Variants in APBB1 observed in about 807,000 individuals in gnomAD.
APBB1 encodes adaptor protein FE65a2.
In APBB1, 22 loss-of-function variants were observed where a neutral mutation model predicts 78.4. The observed-to-expected ratio is 0.28, with a 90% confidence interval of 0.20 to 0.40. APBB1 has a LOEUF of 0.40. Among genes scored for constraint, APBB1 ranks in the 10% least tolerant of loss-of-function variants. The pLI, the probability that APBB1 is intolerant of heterozygous loss-of-function variation, is 1.00. For synonymous variants in APBB1, 369 were observed against 372.7 expected, an observed-to-expected ratio of 0.99 and a Z score of 0.12; for missense variants, 749 against 932.4, an observed-to-expected ratio of 0.80 and a Z score of 2.56.
Position 6,395,756 on chromosome 11 carries a change from C to T in APBB1, c.1965+30G>A. 6.2e-7 allele frequency: 1 copy of T among 1,604,954 alleles called. No individual in the cohort carries two copies. The highest frequency in any genetic ancestry group is 1.4e-5 in the African/African-American group (1 of 72,602). On this transcript the variant is annotated intron_variant, in intron 14 of 14. Transcript: ENST00000609360. This position sits in a 1 kb window ranked among gnomAD's most constrained non-coding sequence, Gnocchi z 5.2. ...CAGCCTACCTCCCATGGGGCCACGC[C>T]ACCACCACACCACCCTACTAGTAGC...
At position 6,411,489 on chromosome 11, in the gene APBB1, C is replaced by G; in HGVS notation, c.-14-128G>C. On this transcript the variant is annotated intron_variant, in intron 1 of 14. Transcript: ENST00000609360. The surrounding 1 kb of genome is among the most constrained non-coding windows in gnomAD (Gnocchi z 5.2). ...ACTAAGCAGGCTAGCACCCATGGCTCTCTATCCTATGAGAATGACTGGGTT... is the reference window on the plus strand; with the variant it reads ...ACTAAGCAGGCTAGCACCCATGGCTGTCTATCCTATGAGAATGACTGGGTT... 1 of 772,914 alleles carries G rather than the reference C, an allele frequency of 1.3e-6. No individual in the cohort carries two copies. 47.9% of individuals were successfully genotyped at this position (772,914 alleles called of 1,614,324 possible).
intron 2 of APBB1, among the ~76,000 whole-genome samples, chr11:6,407,097 A>C (rs1205291544): frequency 2.6e-5 from 4 of 152,236 alleles, no homozygotes; most frequent in African/African-American, 9.7e-5. Context: ...AGGAAGGAGA[A>C]TATAATTTTT....
chr11:6,395,687 C>A lies in APBB1; in HGVS notation c.1980G>T (p.Lys660Asn). The A allele has an allele frequency of 6.3e-7, 1 of 1,588,172 alleles. No individual in the cohort carries two copies. ...VQAACMLRYQ[K>N]CLDARSQAST... ...AGGCCTGGGAACGGGCATCCAGACA[C>A]TTCTGGTAGCGAAGCTGCGGAGGCA... The change falls in exon 15 of 15, where the codon AAG becomes AAT. Residue 660 changes from lysine to asparagine, a missense_variant. By Grantham distance (94) the Lys-to-Asn change is moderately conservative. Transcript: ENST00000609360. The surrounding 1 kb of genome is among the most constrained non-coding windows in gnomAD (Gnocchi z 5.2).
intron 12 of APBB1, among the ~76,000 whole-genome samples, chr11:6,399,494 G>C (rs975657839): frequency 5.3e-5 from 8 of 152,152 alleles, no homozygotes; most frequent in Admixed American, 5.2e-4. Flanking sequence ...CAATCACTGA[G>C]GCCTGTTGAC....
In APBB1 at chr11:6,401,668, C is replaced by T. The variant is rs139600801; in HGVS notation, c.1409G>A (p.Arg470His). ...CTTGAGCATCTGGGTCAGCTTATCA[C>T]GAGCTACGTAGGCAAAGTCCCTGTT... ...GRERDFAYVA[R>H]DKLTQMLKCH... Residue 470 changes from arginine (R) to histidine (H), a missense_variant, in exon 10 of 15, where the codon CGT becomes CAT. This residue lies in a region of APBB1 where 635 missense variants were observed against 765.0 expected (regional missense o/e 0.83). Transcript: ENST00000609360. The surrounding 1 kb of genome is among the most constrained non-coding windows in gnomAD (Gnocchi z 4.5). 2.2e-4 allele frequency: 352 copies of T among 1,614,184 alleles called. No individual in the cohort carries two copies. The highest frequency in any genetic ancestry group is 6.6e-4 in the Middle Eastern group (4 of 6,062).
chr11:6,414,999 C>T (rs943866472), intron 1 of APBB1, among the ~76,000 whole-genome samples: 1 of 152,172 alleles, frequency 6.6e-6, no homozygotes, highest in East Asian at 1.9e-4. Flanking sequence ...ATCTGGTCAC[C>T]AGGGCAGGAA....
At position 6,411,029 on chromosome 11, in the gene APBB1, G is replaced by A. The variant is rs745357819; in HGVS notation, c.319C>T (p.Pro107Ser). 3.0e-5 allele frequency: 49 copies of A among 1,613,998 alleles called. No homozygotes were observed. In the Admixed American group the frequency reaches 3.3e-4, roughly 11 times the overall value. ...EEASQEPEMA[P>S]LGPKGLIHLY... Reference sequence around the variant, plus strand: ...TGTATCAGGCCTTTGGGGCCCAAGGGTGCCATCTCAGGCTCCTGGCTGGCC... The same window carrying A: ...TGTATCAGGCCTTTGGGGCCCAAGGATGCCATCTCAGGCTCCTGGCTGGCC... Residue 107 changes from proline (P) to serine (S), a missense_variant, in exon 2 of 15, where the codon CCC (proline) becomes TCC (serine). Coordinates refer to ENST00000609360, the MANE Select transcript of APBB1 (RefSeq NM_001164.5). The surrounding 1 kb of genome is among the most constrained non-coding windows in gnomAD (Gnocchi z 5.2).
intron 7 of APBB1, 39 bp from the exon 8 acceptor site, chr11:6,402,248 C>A: frequency 6.2e-7 from 1 of 1,607,994 alleles, no homozygotes; most frequent in Non-Finnish European, 8.5e-7. Flanking sequence ...GGACTCCAGC[C>A]AGGATGGTGG....
chr11:6,406,011 C>T (rs1848786294), intron 2 of APBB1, among the ~76,000 whole-genome samples: 1 of 152,184 alleles, frequency 6.6e-6, no homozygotes, highest in African/African-American at 2.4e-5. Context: ...ATCTGCCATC[C>T]CTGTCAGCCT....
At chr11:6,397,237 C>T (rs1472211254) in intron 12 of APBB1, among the ~76,000 whole-genome samples, 5 of 152,198 alleles carry the variant, frequency 3.3e-5, no homozygotes, top group Non-Finnish European at 5.9e-5. Flanking sequence ...CTCTCAGCTC[C>T]CACTAGGAGC....
rs1207136690 is a variant in APBB1, at chr11:6,411,254, G to T, written c.94C>A (p.His32Asn). 6.2e-7 allele frequency: 1 copy of T among 1,606,776 alleles called. No individual in the cohort carries two copies. The highest frequency in any genetic ancestry group is 1.7e-5 in the Admixed American group (1 of 59,780). The change falls in exon 2 of 15, where the codon CAC becomes AAC. Residue 32 changes from histidine to asparagine, a missense_variant. His to Asn is a moderately conservative substitution (Grantham distance 68, BLOSUM62 1). Around this residue, in one of 3 missense-constraint regions of APBB1, gnomAD observed 635 missense variants for 765.0 expected, o/e 0.83. Transcript: ENST00000609360. This position sits in a 1 kb window ranked among gnomAD's most constrained non-coding sequence, Gnocchi z 5.2. ...LSLPLPLHAA[H>N]NQLLNAKLQA... ...AGCTTGGCGTTGAGCAGCTGGTTGT[G>T]GGCAGCGTGCAGAGGCAGGGGTAGG...
chr11:6,405,181 C>A (rs1848747966), intron 2 of APBB1: 20 of 1,145,436 alleles, frequency 1.7e-5, no homozygotes, highest in Non-Finnish European at 2.0e-5. Flanking sequence ...GAGACTCAGC[C>A]CCTAAGGAAT....
chr11:6,404,034 C>A, intron 2 of APBB1: 1 of 472,594 alleles, frequency 2.1e-6, no homozygotes, highest in Non-Finnish European at 3.6e-6. Context: ...CCTCCTGGGC[C>A]CTGTTGGTGG....
intron 6 of APBB1, 65 bp from the exon 7 acceptor site, chr11:6,402,790 A>G (rs1157993330): frequency 6.3e-7 from 1 of 1,588,580 alleles, no homozygotes; most frequent in East Asian, 2.2e-5. Flanking sequence ...GTTCCTGACT[A>G]CAGAGTGTGG....
chr11:6,396,280 C>A, intron 12 of APBB1, 65 bp from the exon 13 acceptor site: 3 of 1,374,720 alleles, frequency 2.2e-6, no homozygotes, highest in Middle Eastern at 3.7e-4. Flanking sequence ...CTACCCTGGA[C>A]CTCTAGTTCC....
chr11:6,410,601 T>C, intron 2 of APBB1, 26 bp downstream of exon 2: 1 of 1,508,398 alleles, frequency 6.6e-7, no homozygotes, highest in Non-Finnish European at 8.9e-7. Context: ...CCCTCCCACA[T>C]GCCCATGTCA....
rs374008439 is a variant in APBB1 at position 6,411,965 on chromosome 11, C to T, written c.-14-604G>A. Among the ~76,000 whole-genome samples the T allele has an allele frequency of 5.2e-4, 79 of 152,342 alleles. No homozygotes were observed. Among genetic ancestry groups the T allele is most frequent in the African/African-American group, 1.6e-3 (65 of 41,572 alleles). On this transcript the variant is annotated intron_variant, in intron 1 of 14. Transcript: ENST00000609360. The surrounding 1 kb of genome is among the most constrained non-coding windows in gnomAD (Gnocchi z 5.2). ...TGGAAGGCAGGTCACAGAGGGAGGG[C>T]GCTCGGCTGCAATTCATGGCTTCTC...
At position 6,401,154 on chromosome 11, in the gene APBB1, T is replaced by C. The variant is rs1272146211; in HGVS notation, c.1589-82A>G. 1 of 1,613,542 alleles carries C rather than the reference T, an allele frequency of 6.2e-7. No individual in the cohort carries two copies. The highest frequency in any genetic ancestry group is 8.5e-7 in the Non-Finnish European group (1 of 1,179,798). ...CACCAGCAGGGCATAAGCTGGACAC[T>C]TGCCCAGCCGAGGCCCTACTTTCAT... On this transcript the variant is annotated intron_variant, in intron 11 of 14. Transcript: ENST00000609360. This position sits in a 1 kb window ranked among gnomAD's most constrained non-coding sequence, Gnocchi z 4.5.
chr11:6,414,801 T>G (rs1317740012), intron 1 of APBB1, among the ~76,000 whole-genome samples: 1 of 152,160 alleles, frequency 6.6e-6, no homozygotes, highest in African/African-American at 2.4e-5. Flanking sequence ...ACTCCACGAC[T>G]CTGCCATGCT....
Sources: allele counts gnomAD v4.1 joint callset (sites outside exome capture counted in the v4.1 genomes callset), GRCh38; gene constraint gnomAD v4.1.1; regional missense constraint gnomAD v4.1.1; non-coding constraint Gnocchi (gnomAD v3.1); transcripts MANE v1.5; gene names NCBI Gene and HGNC (gene_info 2026-07-23, HGNC 2026-07-21).